Variants in ARID1B observed in about 807,000 individuals in gnomAD.
ARID1B encodes the protein AT-rich interactive domain-containing protein 1B.
A neutral mutation model predicts 212.3 loss-of-function variants in ARID1B; 30 were observed. The observed-to-expected ratio is 0.14, with a 90% CI of 0.11 to 0.19. The LOEUF is 0.19. Ranked by LOEUF, ARID1B falls within the 10% of genes least tolerant of loss-of-function variation. The probability of loss-of-function intolerance (pLI) is 1.00; values close to 1 mark genes in which losing one functional copy is unlikely to be tolerated. For synonymous variants in ARID1B, 1,402 were observed against 1,301.7 expected, an observed-to-expected ratio of 1.08 and a Z score of -1.66; for missense variants, 2,891 against 3,204.0, an observed-to-expected ratio of 0.90 and a Z score of 2.36.
chr6:156,842,211 C>A (rs756909218), intron 2 of ARID1B, among the ~76,000 whole-genome samples: 1 of 152,180 alleles, frequency 6.6e-6, no homozygotes, highest in Non-Finnish European at 1.5e-5. Flanking sequence ...CCTCCTCTGT[C>A]TAGTTCCAAC....
chr6:156,917,391 C>T (rs1381316674), intron 3 of ARID1B, among the ~76,000 whole-genome samples: 3 of 152,106 alleles, frequency 2.0e-5, no homozygotes, highest in Non-Finnish European at 2.9e-5. Context: ...TTGAGTCAGA[C>T]GTTGTTGCTG....
rs1455433300 is a variant in ARID1B at position 157,086,334 on chromosome 6, TTGTAATAACCTGGACTTA to T, written c.2491+1431_2491+1448del. Among the ~76,000 whole-genome samples the T allele has an allele frequency of 2.6e-5, 4 of 152,236 alleles. No homozygotes were observed. In the East Asian group the frequency reaches 7.7e-4, roughly 29 times the overall value. ...AGATATATGTTTGTCCTCATAGTGTTTGTAATAACCTGGACTTATCTGCTGCTTTTAACTTTTTAATGC... is the reference window on the plus strand; with the variant it reads ...AGATATATGTTTGTCCTCATAGTGTTTCTGCTGCTTTTAACTTTTTAATGC... On this transcript the variant is annotated intron_variant, in intron 5 of 19. Coordinates refer to ENST00000636930, the MANE Select transcript of ARID1B (RefSeq NM_001374828.1).
At chr6:157,019,632 A>G (rs917329814) in intron 4 of ARID1B, among the ~76,000 whole-genome samples, 6 of 152,328 alleles carry the variant, frequency 3.9e-5, no homozygotes, top group African/African-American at 1.4e-4. Context: ...GAACTTGTCC[A>G]TTAAATGTTG....
chr6:157,048,671 T>C (rs1426621762), intron 4 of ARID1B, among the ~76,000 whole-genome samples: 1 of 152,216 alleles, frequency 6.6e-6, no homozygotes, highest in Non-Finnish European at 1.5e-5. Context: ...TTCTAAATAA[T>C]AAGAGTAATA....
intron 9 of ARID1B, 63 bp from the exon 10 acceptor site, chr6:157,173,945 G>T: frequency 7.1e-7 from 1 of 1,414,438 alleles, no homozygotes; most frequent in East Asian, 2.3e-5. Flanking sequence ...ACTTGTGTTG[G>T]CAGGAGTACA....
chr6:157,079,851 GAGAAAA>G lies in ARID1B; in HGVS notation c.2248-4796_2248-4791del, dbSNP rs201577543. Among the ~76,000 whole-genome samples the G allele has an allele frequency of 1.0e-2, 1,516 of 152,106 alleles. 27 individuals carry two copies. The highest frequency in any genetic ancestry group is 0.033 in the African/African-American group (1,374 of 41,498). ...AAGAAGGTGAGGGTGTAGTTGAAGA[GAGAAAA>G]AGAAAAAGAAAAAGTACACGGTTTT... On this transcript the variant is annotated intron_variant, in intron 4 of 19. Transcript: ENST00000636930.
chr6:157,039,876 CTTTTCT>C (rs1781740984), intron 4 of ARID1B, among the ~76,000 whole-genome samples: 3 of 58,264 alleles, frequency 5.1e-5, no homozygotes, highest in South Asian at 5.6e-4. Flanking sequence ...CTTTCTCTTT[CTTTTCT>C]CTTCCTTCCT....
At chr6:157,184,666 T>G in intron 13 of ARID1B, 1 of 589,968 alleles carries the variant, frequency 1.7e-6, no homozygotes, top group Non-Finnish European at 3.0e-6. Flanking sequence ...AAGGCACCCC[T>G]TCTTTTGCTT....
intron 8 of ARID1B, among the ~76,000 whole-genome samples, chr6:157,161,454 T>TA (rs1790939734): frequency 7.4e-5 from 11 of 149,242 alleles, no homozygotes; most frequent in African/African-American, 2.5e-4. Context: ...TATATATATA[T>TA]TTTGGCGGGG....
At chr6:156,819,326 A>C (rs191573325) in intron 1 of ARID1B, among the ~76,000 whole-genome samples, 230 of 152,358 alleles carry the variant, frequency 1.5e-3, no homozygotes, top group African/African-American at 5.4e-3. Context: ...TTTGGGTAGC[A>C]AGAGTAACAA....
chr6:157,110,666 GATATT>G, intron 6 of ARID1B, 105 bp downstream of exon 6: 2 of 1,074,114 alleles, frequency 1.9e-6, no homozygotes, highest in Non-Finnish European at 2.8e-6. Flanking sequence ...TTTTTTAAAG[GATATT>G]ATGTTTTCTT....
chr6:156,986,018 G>A (rs1777895124), intron 4 of ARID1B, among the ~76,000 whole-genome samples: 1 of 151,814 alleles, frequency 6.6e-6, no homozygotes, highest in South Asian at 2.1e-4. Flanking sequence ...CGATTTTTCT[G>A]TCAGTTTTTG....
At chr6:156,995,917 C>T (rs1013675225) in intron 4 of ARID1B, among the ~76,000 whole-genome samples, 7 of 152,116 alleles carry the variant, frequency 4.6e-5, no homozygotes, top group African/African-American at 1.7e-4. Flanking sequence ...ATCTGGCAAC[C>T]CTATAGAAAA....
chr6:156,993,400 T>C (rs1027168640), intron 4 of ARID1B, among the ~76,000 whole-genome samples: 2 of 152,236 alleles, frequency 1.3e-5, no homozygotes, highest in African/African-American at 4.8e-5. Context: ...GAAATTTCTT[T>C]TTGGCCTCAA....
chr6:156,843,170 C>A (rs1229206070), intron 2 of ARID1B, among the ~76,000 whole-genome samples: 1 of 152,168 alleles, frequency 6.6e-6, no homozygotes, highest in Non-Finnish European at 1.5e-5. Context: ...ATACCTTGGG[C>A]AGCATCAATA....
At position 156,945,501 on chromosome 6, in the gene ARID1B, T is replaced by C. The variant is rs1203960292; in HGVS notation, c.2247+9925T>C. ...CCTGGCACCTGTGCCTGCAGATTCT[T>C]TCCTGTTTTTAGAATTTCCTGACTT... On this transcript the variant is annotated intron_variant, in intron 4 of 19. Coordinates refer to ENST00000636930, the MANE Select transcript of ARID1B (RefSeq NM_001374828.1). 2.3e-4 allele frequency among the ~76,000 whole-genome samples: 35 copies of C among 151,766 alleles called. 2 individuals are homozygous for C. Among genetic ancestry groups the C allele is most frequent in the Admixed American group, 2.3e-3 (35 of 15,256 alleles).
intron 4 of ARID1B, chr6:156,976,674 TTCA>T: frequency 3.0e-6 from 1 of 334,400 alleles, no homozygotes; most frequent in Non-Finnish European, 5.7e-6. Context: ...TTTCACTTTG[TTCA>T]GTAAACTGCG....
chr6:156,958,051 A>G (rs535903721), intron 4 of ARID1B, among the ~76,000 whole-genome samples: 118 of 152,348 alleles, frequency 7.7e-4, no homozygotes, highest in African/African-American at 2.7e-3. Flanking sequence ...TTAGAATAAT[A>G]TGTTCCAAGA....
intron 2 of ARID1B, among the ~76,000 whole-genome samples, chr6:156,866,425 G>T (rs2128136076): frequency 6.6e-6 from 1 of 152,252 alleles, no homozygotes; most frequent in Non-Finnish European, 1.5e-5. Flanking sequence ...CTGGGTGTCG[G>T]ACTTAACCTT....
Sources: gnomAD v4.1 joint callset for allele counts (sites outside exome capture counted in the v4.1 genomes callset) on GRCh38, gnomAD v4.1.1 for gene constraint, MANE v1.5 for transcripts, NCBI Gene and HGNC (gene_info 2026-07-23, HGNC 2026-07-21) for gene names.